The following ZNF367 variants were observed in gnomAD, a reference collection of about 807,000 sequenced individuals.
ZNF367 encodes the protein zinc finger protein 367.
A neutral mutation model predicts 31.8 loss-of-function variants in ZNF367; 11 were observed. The ratio of observed to expected loss-of-function variants is 0.35; its 90% CI spans 0.22 to 0.57. The LOEUF (loss-of-function observed/expected upper bound fraction) is 0.57, where lower values mean the gene tolerates loss of function less well. ZNF367 is among the 20% of genes least tolerant of loss of function. The pLI, the probability that ZNF367 is intolerant of heterozygous loss-of-function variation, is 0.85. For missense variants in ZNF367, 353 were observed against 484.1 expected, an observed-to-expected ratio of 0.73 and a Z score of 2.54; for synonymous variants, 199 against 202.4, an observed-to-expected ratio of 0.98 and a Z score of 0.14.
Position 96,417,473 on chromosome 9 carries a change from A to C in ZNF367, c.420+140T>G. On this transcript the variant is annotated intron_variant, in intron 1 of 4. Transcript: ENST00000375256. This position sits in a 1 kb window ranked among gnomAD's most constrained non-coding sequence, Gnocchi z 5.0. The stretch of plus-strand genomic sequence containing the variant: ...CTGGGGCCGGTTTTTGGCGCGCGGC[A>C]GTGACGTCAGCATCCTGTCAGCCGC... The C allele has an allele frequency of 8.7e-6, 2 of 229,552 alleles. No individual in the cohort carries two copies. The highest frequency in any genetic ancestry group is 1.7e-5 in the Non-Finnish European group (2 of 120,002). The allele number at this position is 229,552 out of a possible 1,614,324, so 14.2% of individuals were successfully genotyped here. A position where few individuals can be genotyped will look rare whatever the true frequency, so the allele number is the denominator to read the frequency against.
intron 1 of ZNF367, among the ~76,000 whole-genome samples, chr9:96,401,427 G>A (rs533360885): frequency 3.9e-5 from 6 of 152,000 alleles, no homozygotes; most frequent in East Asian, 3.9e-4. Flanking sequence ...TTGGGAAGCC[G>A]AGGCGGGCAG....
chr9:96,414,570 A>G (rs967777345), intron 1 of ZNF367, among the ~76,000 whole-genome samples: 1 of 151,546 alleles, frequency 6.6e-6, no homozygotes. Flanking sequence ...CTCCGTCTCC[A>G]GGGTTCATGT....
At position 96,417,753 on chromosome 9, in the gene ZNF367, C is replaced by A. The variant is rs1474910662; in HGVS notation, c.280G>T (p.Ala94Ser). The A allele has an allele frequency of 2.4e-6, 3 of 1,233,712 alleles. No individual in the cohort carries two copies. Among genetic ancestry groups the A allele is most frequent in the Middle Eastern group, 3.1e-4 (1 of 3,244 alleles). 76.4% of individuals were successfully genotyped at this position (1,233,712 alleles called of 1,614,324 possible). A position where few individuals can be genotyped will look rare whatever the true frequency, so the allele number is the denominator to read the frequency against. ...TCGGCGGCTGCGGCTGCAGGCAGGGCGGCCGAGGCGGCGGCCCCCGCGGCC... is the reference window on the plus strand; with the variant it reads ...TCGGCGGCTGCGGCTGCAGGCAGGGAGGCCGAGGCGGCGGCCCCCGCGGCC... ...PGAAGAAASA[A>S]LPAAAAAEHS... Residue 94 changes from alanine (A) to serine (S), a missense_variant, in exon 1 of 5, where the codon GCC (alanine) becomes TCC (serine). Coordinates refer to ENST00000375256, the MANE Select transcript of ZNF367 (RefSeq NM_153695.4). The surrounding 1 kb of genome is among the most constrained non-coding windows in gnomAD (Gnocchi z 5.0).
chr9:96,396,739 C>T (rs1437146705), intron 2 of ZNF367, among the ~76,000 whole-genome samples: 1 of 151,576 alleles, frequency 6.6e-6, no homozygotes, highest in Non-Finnish European at 1.5e-5. Flanking sequence ...CACATCTTGG[C>T]TCACCGCAAC....
At position 96,388,347 on chromosome 9, in the gene ZNF367, C is replaced by A; in HGVS notation, c.943G>T (p.Asp315Tyr). The A allele has an allele frequency of 5.0e-6, 8 of 1,613,320 alleles. No individual in the cohort carries two copies. The highest frequency in any genetic ancestry group is 6.8e-6 in the Non-Finnish European group (8 of 1,180,026). ...LEYLQSDEEDDEKRGAQRRLQ... is the reference protein window; with the variant it reads ...LEYLQSDEEDYEKRGAQRRLQ... ...CGGCGCTGGGCCCCTCTCTTCTCGT[C>A]GTCCTCTTCATCAGACTGAAGGTAT... The change falls in exon 5 of 5, where the codon GAC (aspartate) becomes TAC (tyrosine). Residue 315 changes from aspartate to tyrosine, a missense_variant. Transcript: ENST00000375256.
At position 96,418,000 on chromosome 9, in the gene ZNF367, C is replaced by T; in HGVS notation, c.33G>A (p.Glu11=). 5.7e-6 allele frequency: 8 copies of T among 1,413,626 alleles called. No individual in the cohort carries two copies. Among genetic ancestry groups the T allele is most frequent in the Non-Finnish European group, 7.3e-6 (8 of 1,090,950 alleles). The allele number at this position is 1,413,626 out of a possible 1,614,324, so 87.6% of individuals were successfully genotyped here. MIRGFEAPMA[E]NPPPPPPPVI... ...CGGGCGGCGGCGGCGGCGGCGGGTTCTCCGCCATGGGCGCCTCGAAGCCCC... is the reference window on the plus strand; with the variant it reads ...CGGGCGGCGGCGGCGGCGGCGGGTTTTCCGCCATGGGCGCCTCGAAGCCCC... Residue 11 remains glutamate, a synonymous_variant, in exon 1 of 5, where the codon GAG becomes GAA. Transcript: ENST00000375256. This position sits in a 1 kb window ranked among gnomAD's most constrained non-coding sequence, Gnocchi z 5.0.
intron 1 of ZNF367, among the ~76,000 whole-genome samples, chr9:96,400,432 G>C (rs1352456104): frequency 7.3e-6 from 1 of 136,616 alleles, no homozygotes; most frequent in Admixed American, 7.2e-5. Flanking sequence ...AAAGGAAAAA[G>C]AATGACAAGA....
intron 4 of ZNF367, among the ~76,000 whole-genome samples, chr9:96,391,262 A>T (rs938780490): frequency 6.6e-6 from 1 of 152,200 alleles, no homozygotes; most frequent in African/African-American, 2.4e-5. Context: ...CTGGCAGGGA[A>T]GGTATAAAAT....
chr9:96,403,713 T>G (rs1176525076), intron 1 of ZNF367, among the ~76,000 whole-genome samples: 1 of 152,138 alleles, frequency 6.6e-6, no homozygotes, highest in Non-Finnish European at 1.5e-5. Flanking sequence ...AACCTATACA[T>G]GAAAGGCCAA....
chr9:96,396,935 G>A (rs1831538788), intron 2 of ZNF367, among the ~76,000 whole-genome samples: 1 of 152,018 alleles, frequency 6.6e-6, no homozygotes. Context: ...TCAAAGTGCT[G>A]GGATTACAGG....
Position 96,410,105 on chromosome 9 carries a change from T to C in ZNF367, c.420+7508A>G, listed in dbSNP as rs542394006. On this transcript the variant is annotated intron_variant, in intron 1 of 4. Coordinates refer to ENST00000375256, the MANE Select transcript of ZNF367 (RefSeq NM_153695.4). ...GGTGAAACCCTGTCTCTACTAAAAA[T>C]GCAAAAAATTAGCTGGGCGCAGTGG... is the stretch of plus-strand genomic sequence containing the variant. Among the ~76,000 whole-genome samples, 3 of 149,168 alleles carry C rather than the reference T, an allele frequency of 2.0e-5. No homozygotes were observed. In the East Asian group the frequency reaches 6.0e-4, roughly 30 times the overall value.
intron 4 of ZNF367, among the ~76,000 whole-genome samples, chr9:96,390,836 A>T (rs1831463200): frequency 6.7e-6 from 1 of 148,350 alleles, no homozygotes; most frequent in South Asian, 2.1e-4. Context: ...TGAGCTAATA[A>T]TCCTGCTACT....
At position 96,387,456 on chromosome 9, in the gene ZNF367, T is replaced by C. The variant is rs1378027038; in HGVS notation, c.*781A>G. On this transcript the variant is annotated 3_prime_UTR_variant, in exon 5 of 5. Transcript: ENST00000375256. ...ATTTTTAAAATTACCAATTACTATG[T>C]TACCTAGACTTTGCAAGATTAATCA... The C allele has an allele frequency of 6.6e-6, 1 of 152,198 alleles. No homozygotes were observed. The highest frequency in any genetic ancestry group is 2.4e-5 in the African/African-American group (1 of 41,446). 9.4% of individuals were successfully genotyped at this position (152,198 alleles called of 1,614,324 possible).
chr9:96,409,314 C>T (rs1162435089), intron 1 of ZNF367, among the ~76,000 whole-genome samples: 9 of 152,160 alleles, frequency 5.9e-5, no homozygotes, highest in African/African-American at 2.2e-4. Flanking sequence ...TACGGTTCTA[C>T]CATCTCTGTT....
rs1281977092 is a variant in ZNF367 at position 96,386,756 on chromosome 9, T to C, written c.*1481A>G. 1 of 152,192 alleles carries C rather than the reference T, an allele frequency of 6.6e-6. No individual in the cohort carries two copies. Among genetic ancestry groups the C allele is most frequent in the African/African-American group, 2.4e-5 (1 of 41,464 alleles). 9.4% of individuals were successfully genotyped at this position (152,192 alleles called of 1,614,324 possible). ...GCCTCCCCTTCCCCGTGGCTACATA[T>C]TTTAAACTATCTGTGTACTATGACA... On this transcript the variant is annotated 3_prime_UTR_variant, in exon 5 of 5. Transcript: ENST00000375256.
intron 1 of ZNF367, among the ~76,000 whole-genome samples, chr9:96,410,702 C>T (rs1195276733): frequency 2.7e-5 from 4 of 149,830 alleles, no homozygotes; most frequent in Non-Finnish European, 4.4e-5. Flanking sequence ...GGTGAAACCC[C>T]GTCTCTACTA....
At position 96,388,119 on chromosome 9, in the gene ZNF367, A is replaced by T. The variant is rs1831426722; in HGVS notation, c.*118T>A. ...TTCTGGGGCAATAACATTCTTCATA[A>T]ATTTCTACAGAATAGCAGCCTATGA... On this transcript the variant is annotated 3_prime_UTR_variant, in exon 5 of 5. Transcript: ENST00000375256. 1 of 984,412 alleles carries T rather than the reference A, an allele frequency of 1.0e-6. No individual in the cohort carries two copies. The highest frequency in any genetic ancestry group is 1.6e-5 in the African/African-American group (1 of 61,426). The allele number at this position is 984,412 out of a possible 1,614,324, so 61.0% of individuals were successfully genotyped here.
Position 96,387,224 on chromosome 9 carries a change from C to T in ZNF367, c.*1013G>A, listed in dbSNP as rs1442300508. 6.6e-6 allele frequency: 1 copy of T among 152,156 alleles called. No homozygotes were observed. Among genetic ancestry groups the T allele is most frequent in the East Asian group, 1.9e-4 (1 of 5,198 alleles). 9.4% of individuals were successfully genotyped at this position (152,156 alleles called of 1,614,324 possible). ...GAACACAAAATAGCTTGGCATGTTA[C>T]TCTGAAGTAAAGCAAGAAGGTGGCT... On this transcript the variant is annotated 3_prime_UTR_variant, in exon 5 of 5. Transcript: ENST00000375256.
intron 4 of ZNF367, chr9:96,392,191 T>C (rs1831479755): frequency 3.0e-6 from 2 of 674,318 alleles, no homozygotes; most frequent in Admixed American, 5.8e-5. Flanking sequence ...GGCACTCTAA[T>C]TATATTGTAA....
Sources: gnomAD v4.1 joint callset for allele counts (sites outside exome capture counted in the v4.1 genomes callset) on GRCh38, gnomAD v4.1.1 for gene constraint, Gnocchi (gnomAD v3.1) non-coding constraint, MANE v1.5 for transcripts, NCBI Gene and HGNC (gene_info 2026-07-23, HGNC 2026-07-21) for gene names.